Variants in DCDC2 observed in about 807,000 individuals in gnomAD.
DCDC2 encodes the protein doublecortin domain-containing protein 2.
A neutral mutation model predicts 50.2 loss-of-function variants in DCDC2; 40 were observed. The observed-to-expected ratio is 0.80, with a 90% CI of 0.62 to 1.04. DCDC2 has a LOEUF of 1.04. Among genes scored for constraint, DCDC2 ranks in the 50% least tolerant of loss-of-function variants. DCDC2 has a pLI of 0.00. For missense variants in DCDC2, 570 were observed against 581.9 expected, an observed-to-expected ratio of 0.98 and a Z score of 0.21; for synonymous variants, 234 against 210.6, an observed-to-expected ratio of 1.11 and a Z score of -0.96.
intron 6 of DCDC2, among the ~76,000 whole-genome samples, chr6:24,286,117 G>T (rs1332529561): frequency 6.6e-6 from 1 of 152,092 alleles, no homozygotes; most frequent in African/African-American, 2.4e-5. Context: ...TGTGAAGTTA[G>T]GTTGCCTCAA....
intron 8 of DCDC2, among the ~76,000 whole-genome samples, chr6:24,179,773 T>A (rs1761019576): frequency 6.7e-6 from 1 of 149,074 alleles, no homozygotes; most frequent in Non-Finnish European, 1.5e-5. Flanking sequence ...GCTAACACGG[T>A]GAAACCCCAT....
At chr6:24,180,418 G>A (rs1761045119) in intron 8 of DCDC2, among the ~76,000 whole-genome samples, 1 of 151,996 alleles carries the variant, frequency 6.6e-6, no homozygotes, top group Non-Finnish European at 1.5e-5. Context: ...CCGAGTAGCT[G>A]GGACTACAGG....
chr6:24,361,587 G>A (rs1298471580), upstream of DCDC2, among the ~76,000 whole-genome samples: 1 of 152,190 alleles, frequency 6.6e-6, no homozygotes, highest in Non-Finnish European at 1.5e-5. Context: ...CCACATAGGT[G>A]AGTAAGACAG....
chr6:24,354,559 TA>T (rs1411606288), intron 1 of DCDC2, among the ~76,000 whole-genome samples: 1 of 152,184 alleles, frequency 6.6e-6, no homozygotes, highest in Non-Finnish European at 1.5e-5. Context: ...AATGCCCCTA[TA>T]TAAAAGTAGT....
chr6:24,378,557 G>A, the DCDC2 span, among the ~76,000 whole-genome samples: 2 of 152,082 alleles, frequency 1.3e-5, no homozygotes, highest in African/African-American at 2.4e-5. Flanking sequence ...AGCTGCACTC[G>A]GTGGGATGTT....
intron 2 of DCDC2, among the ~76,000 whole-genome samples, chr6:24,351,093 G>A (rs531411169): frequency 1.2e-4 from 19 of 152,134 alleles, no homozygotes; most frequent in Admixed American, 6.5e-4. Context: ...TAAAACAGCC[G>A]TAAAAATACC....
chr6:24,177,307 T>A (rs1371578013), intron 9 of DCDC2, among the ~76,000 whole-genome samples: 2 of 152,210 alleles, frequency 1.3e-5, no homozygotes, highest in Non-Finnish European at 2.9e-5. Context: ...GAATAACTCA[T>A]ATAGTGGATT....
At chr6:24,359,115 TTA>T (rs1491408677), upstream of DCDC2, among the ~76,000 whole-genome samples, 3,196 of 59,518 alleles carry the variant, frequency 0.054, 122 homozygotes, top group Middle Eastern at 0.071. Flanking sequence ...ATATTATATA[TTA>T]TATATATTAT....
chr6:24,318,316 C>G lies in DCDC2; in HGVS notation c.349-16272G>C, dbSNP rs373177071. The stretch of plus-strand genomic sequence containing the variant: ...CATACGATGGAGGGCTCTGAAGTTG[C>G]AGTAAGGTGTGAGAAAGATCTTTAC... On this transcript the variant is annotated intron_variant, in intron 2 of 9. Coordinates refer to ENST00000378454, the MANE Select transcript of DCDC2 (RefSeq NM_016356.5). Among the ~76,000 whole-genome samples, 6 of 152,190 alleles carry G rather than the reference C, an allele frequency of 3.9e-5. No homozygotes were observed. In the South Asian group the frequency reaches 1.2e-3, roughly 32 times the overall value.
Position 24,290,913 on chromosome 6 carries a change from G to A in DCDC2, c.704+19C>T. The A allele has an allele frequency of 1.2e-6, 2 of 1,604,756 alleles. No individual in the cohort carries two copies. The highest frequency in any genetic ancestry group is 1.7e-6 in the Non-Finnish European group (2 of 1,176,714). Reference sequence around the variant, plus strand: ...AAGTGGTAACTAAAGCATGAGGAGTGGTAAGGAGTAAGACTTACCCAAAAG... The same window carrying A: ...AAGTGGTAACTAAAGCATGAGGAGTAGTAAGGAGTAAGACTTACCCAAAAG... On this transcript the variant is annotated intron_variant, in intron 5 of 9. Coordinates refer to ENST00000378454, the MANE Select transcript of DCDC2 (RefSeq NM_016356.5).
upstream of DCDC2, among the ~76,000 whole-genome samples, chr6:24,360,101 T>C (rs1040221392): frequency 1.3e-5 from 2 of 152,210 alleles, no homozygotes; most frequent in African/African-American, 4.8e-5. Context: ...TGCTGTTACC[T>C]CTGCGGGCCT....
At position 24,326,182 on chromosome 6, in the gene DCDC2, GAAGGAAGGAAGA is replaced by G. The variant is rs1446539542; in HGVS notation, c.349-24150_349-24139del. Among the ~76,000 whole-genome samples, 5 of 143,928 alleles carry G rather than the reference GAAGGAAGGAAGA, an allele frequency of 3.5e-5. 1 individual carries two copies. Among genetic ancestry groups the G allele is most frequent in the Non-Finnish European group, 7.7e-5 (5 of 64,772 alleles). 94.4% of individuals were successfully genotyped at this position (143,928 alleles called of 152,430 possible). A position where few individuals can be genotyped will look rare whatever the true frequency, so the allele number is the denominator to read the frequency against. On this transcript the variant is annotated intron_variant, in intron 2 of 9. Transcript: ENST00000378454. ...AGAGGAAGGAAAGGAAGGAAGGAAG[GAAGGAAGGAAGA>G]AAGGAAGGAAGGAAAGAATGAAGGA...
At chr6:24,304,390 T>C (rs1305776374) in intron 2 of DCDC2, among the ~76,000 whole-genome samples, 10 of 152,072 alleles carry the variant, frequency 6.6e-5, no homozygotes, top group Admixed American at 5.9e-4. Flanking sequence ...GGCTGAAGCA[T>C]GAGAATTGCT....
At chr6:24,314,817 C>A (rs1759632617) in intron 2 of DCDC2, among the ~76,000 whole-genome samples, 1 of 152,038 alleles carries the variant, frequency 6.6e-6, no homozygotes, top group Admixed American at 6.6e-5. Flanking sequence ...CCCTTCCTAA[C>A]AGGGTCACAA....
At chr6:24,345,913 C>T (rs1760245523) in intron 2 of DCDC2, among the ~76,000 whole-genome samples, 1 of 152,212 alleles carries the variant, frequency 6.6e-6, no homozygotes, top group Non-Finnish European at 1.5e-5. Context: ...GGCATGGTGG[C>T]TCACACCTGT....
intron 8 of DCDC2, among the ~76,000 whole-genome samples, chr6:24,196,603 G>A (rs1486152908): frequency 6.6e-6 from 1 of 152,038 alleles, no homozygotes; most frequent in East Asian, 1.9e-4. Flanking sequence ...TGTATTTTCA[G>A]TAGAGACCAG....
Position 24,216,216 on chromosome 6 carries a change from A to C in DCDC2, c.923-11114T>G, listed in dbSNP as rs557566809. ...CATTGATAAAGTCATGGGTTTCAGA[A>C]CTTGGGGTGAAAATAGAAAATGGTT... On this transcript the variant is annotated intron_variant, in intron 7 of 9. Coordinates refer to ENST00000378454, the MANE Select transcript of DCDC2 (RefSeq NM_016356.5). 4.6e-5 allele frequency among the ~76,000 whole-genome samples: 7 copies of C among 152,332 alleles called. No individual in the cohort carries two copies. In the East Asian group the frequency reaches 1.4e-3, roughly 29 times the overall value.
chr6:24,259,133 G>GAA (rs35299013), intron 7 of DCDC2, among the ~76,000 whole-genome samples: 138 of 150,272 alleles, frequency 9.2e-4, no homozygotes, highest in East Asian at 2.0e-3. Context: ...CAAGACATGT[G>GAA]AAAAAAAAAC....
intron 8 of DCDC2, among the ~76,000 whole-genome samples, chr6:24,201,242 C>A (rs1429867199): frequency 6.6e-6 from 1 of 152,162 alleles, no homozygotes; most frequent in Non-Finnish European, 1.5e-5. Context: ...AAATTGACCA[C>A]TTAATTGGAA....
Sources: allele counts gnomAD v4.1 joint callset (sites outside exome capture counted in the v4.1 genomes callset), GRCh38; gene constraint gnomAD v4.1.1; transcripts MANE v1.5; gene names NCBI Gene and HGNC (gene_info 2026-07-23, HGNC 2026-07-21).